SLX4IP: variants seen among roughly 807,000 people sequenced by gnomAD.
The protein encoded by SLX4IP is protein SLX4IP.
SLX4IP carries 34 observed loss-of-function variants against 32.9 expected under a neutral mutation model. That is an observed-to-expected ratio of 1.03 (90% CI 0.79 to 1.38). SLX4IP has a LOEUF of 1.38. SLX4IP is among the 40% of genes most tolerant of loss of function. The pLI is 0.00. For synonymous variants in SLX4IP, 172 were observed against 171.7 expected, an observed-to-expected ratio of 1.00 and a Z score of -0.01; for missense variants, 444 against 479.0, an observed-to-expected ratio of 0.93 and a Z score of 0.68.
chr20:10,575,398 A>G (rs1359661669), intron 4 of SLX4IP, among the ~76,000 whole-genome samples: 1 of 152,226 alleles, frequency 6.6e-6, no homozygotes. Context: ...GTAATAATGT[A>G]TTGGGGTGAG....
intron 1 of SLX4IP, among the ~76,000 whole-genome samples, chr20:10,453,744 A>T (rs556844853): frequency 0.013 from 1,471 of 114,530 alleles, 21 homozygotes; most frequent in African/African-American, 0.036. Context: ...CTTAAAAAAA[A>T]TTTTTTTTTT....
intron 4 of SLX4IP, among the ~76,000 whole-genome samples, chr20:10,566,283 A>ATTTTTTTTTTTTT (rs59907123): frequency 1.0e-5 from 1 of 97,858 alleles, no homozygotes; most frequent in African/African-American, 4.5e-5. Flanking sequence ...AACTGATTAC[A>ATTTTTTTTTTTTT]TTTTTTTTTT....
intron 6 of SLX4IP, among the ~76,000 whole-genome samples, chr20:10,605,856 A>G (rs1415590446): frequency 1.3e-5 from 2 of 152,222 alleles, no homozygotes; most frequent in African/African-American, 4.8e-5. Flanking sequence ...CTCTTAAGGC[A>G]CACTACTGTT....
intron 4 of SLX4IP, among the ~76,000 whole-genome samples, chr20:10,572,485 A>G (rs185684223): frequency 1.4e-3 from 220 of 152,310 alleles, no homozygotes; most frequent in African/African-American, 5.1e-3. Context: ...ATAGACCCCC[A>G]AACAGAGCTC....
chr20:10,474,819 T>G (rs144956787), intron 2 of SLX4IP, among the ~76,000 whole-genome samples: 135 of 152,346 alleles, frequency 8.9e-4, no homozygotes, highest in Middle Eastern at 3.4e-3. Flanking sequence ...ATGCTGCCCT[T>G]TGGCCACTGA....
At position 10,621,410 on chromosome 20, in the gene SLX4IP, G is replaced by C. The variant is rs763866627; in HGVS notation, c.502G>C (p.Glu168Gln). 1.9e-6 allele frequency: 3 copies of C among 1,613,922 alleles called. No individual in the cohort carries two copies. The African/African-American group carries it at 4.0e-5, about 22-fold the overall frequency. The change falls in exon 7 of 8, where the codon GAA becomes CAA. Residue 168 changes from glutamate (E) to glutamine (Q), a missense_variant. By Grantham distance (29) the Glu-to-Gln change is conservative. Transcript: ENST00000334534. Reference protein sequence around the residue: ...SAKLRRNALKEIVKRTETKSS... With the variant: ...SAKLRRNALKQIVKRTETKSS... ...AAAGCTCCGGAGAAATGCTCTGAAAGAAATGTAGGTGCAATGTGTTTCCTT... is the reference window on the plus strand; with the variant it reads ...AAAGCTCCGGAGAAATGCTCTGAAACAAATGTAGGTGCAATGTGTTTCCTT...
intron 2 of SLX4IP, among the ~76,000 whole-genome samples, chr20:10,548,634 A>G (rs1448421804): frequency 1.3e-5 from 2 of 152,192 alleles, no homozygotes; most frequent in South Asian, 2.1e-4. Context: ...CCACCTGACA[A>G]GTATTGCCAG....
intron 4 of SLX4IP, among the ~76,000 whole-genome samples, chr20:10,585,775 G>C (rs1568755609): frequency 6.6e-6 from 1 of 151,906 alleles, no homozygotes; most frequent in Non-Finnish European, 1.5e-5. Context: ...ATTTTTAGTA[G>C]AGACAGGGTT....
chr20:10,473,286 G>A (rs925996906), intron 2 of SLX4IP, among the ~76,000 whole-genome samples: 1 of 152,150 alleles, frequency 6.6e-6, no homozygotes, highest in Non-Finnish European at 1.5e-5. Flanking sequence ...GCAACTAAGG[G>A]CAGTAGGAGA....
chr20:10,494,435 A>G (rs907449352), intron 2 of SLX4IP, among the ~76,000 whole-genome samples: 15 of 150,994 alleles, frequency 9.9e-5, no homozygotes, highest in Non-Finnish European at 2.1e-4. Flanking sequence ...ATACAATATA[A>G]TGCTTTTGAG....
rs149694016 is a variant in SLX4IP at position 10,574,234 on chromosome 20, CA to C, written c.238+13421del. On this transcript the variant is annotated intron_variant, in intron 4 of 7. Coordinates refer to ENST00000334534, the MANE Select transcript of SLX4IP (RefSeq NM_001009608.3). ...TTAATTTTTACAAGAAATTAAAATT[CA>C]AAAAAACGTGATGTACAAATCTTCC... Among the ~76,000 whole-genome samples the C allele has an allele frequency of 5.8e-3, 878 of 152,054 alleles. 7 individuals are homozygous for C. Among genetic ancestry groups the C allele is most frequent in the African/African-American group, 0.02 (833 of 41,464 alleles).
intron 2 of SLX4IP, among the ~76,000 whole-genome samples, chr20:10,460,244 T>G (rs1047365305): frequency 6.6e-6 from 1 of 152,240 alleles, no homozygotes; most frequent in African/African-American, 2.4e-5. Flanking sequence ...TTTAATTTTC[T>G]TCTGGCATCT....
chr20:10,472,270 G>A (rs1471770618), intron 2 of SLX4IP, among the ~76,000 whole-genome samples: 6 of 147,354 alleles, frequency 4.1e-5, no homozygotes, highest in East Asian at 2.0e-4. Context: ...TGGCTCTGTC[G>A]CCCAGGCTCG....
chr20:10,492,427 A>T (rs537807591), intron 2 of SLX4IP, among the ~76,000 whole-genome samples: 1 of 152,184 alleles, frequency 6.6e-6, no homozygotes, highest in South Asian at 2.1e-4. Context: ...TTCCAATCTT[A>T]TGGGTGTGAA....
At chr20:10,473,815 C>T (rs896179599) in intron 2 of SLX4IP, among the ~76,000 whole-genome samples, 29 of 151,388 alleles carry the variant, frequency 1.9e-4, no homozygotes, top group African/African-American at 6.8e-4. Context: ...CATGTTGGCC[C>T]GGCTGGTTGG....
At chr20:10,569,260 A>G (rs528424446) in intron 4 of SLX4IP, among the ~76,000 whole-genome samples, 4 of 148,376 alleles carry the variant, frequency 2.7e-5, no homozygotes, top group African/African-American at 7.5e-5. Context: ...ATCTCAGCTC[A>G]CTGCAACCTC....
At chr20:10,613,501 C>T in intron 6 of SLX4IP, 1 of 1,604,836 alleles carries the variant, frequency 6.2e-7, no homozygotes, top group Non-Finnish European at 8.5e-7. Flanking sequence ...CAGTACTTTG[C>T]TTCCATCTGA....
intron 6 of SLX4IP, among the ~76,000 whole-genome samples, chr20:10,615,053 C>T (rs955464758): frequency 1.3e-5 from 2 of 151,796 alleles, no homozygotes; most frequent in Admixed American, 1.3e-4. Context: ...GTAATTTCAC[C>T]TTTAAAGGTG....
intron 2 of SLX4IP, among the ~76,000 whole-genome samples, chr20:10,509,737 C>T (rs1489150492): frequency 6.6e-6 from 1 of 151,824 alleles, no homozygotes; most frequent in Admixed American, 6.6e-5. Context: ...CACTTTCTTG[C>T]CCAGGCTGGA....
Sources: allele counts gnomAD v4.1 joint callset (sites outside exome capture counted in the v4.1 genomes callset), GRCh38; gene constraint gnomAD v4.1.1; transcripts MANE v1.5; gene names NCBI Gene and HGNC (gene_info 2026-07-23, HGNC 2026-07-21).